GLRA3: variants seen among roughly 807,000 people sequenced by gnomAD.
GLRA3 encodes glycine receptor subunit alpha-3.
Under a neutral mutation model 60.4 loss-of-function variants are expected in GLRA3, and 44 were observed. The ratio of observed to expected loss-of-function variants is 0.73; its 90% confidence interval spans 0.57 to 0.94. The LOEUF is 0.94. Among genes scored for constraint, GLRA3 ranks in the 40% least tolerant of loss-of-function variants. The probability of loss-of-function intolerance (pLI) is 0.00; values close to 1 mark genes in which losing one functional copy is unlikely to be tolerated. For synonymous variants in GLRA3, 223 were observed against 192.9 expected, an observed-to-expected ratio of 1.16 and a Z score of -1.29; for missense variants, 508 against 564.6, an observed-to-expected ratio of 0.90 and a Z score of 1.02.
At chr4:174,763,061 T>C (rs912403608) in intron 3 of GLRA3, among the ~76,000 whole-genome samples, 2 of 152,188 alleles carry the variant, frequency 1.3e-5, no homozygotes, top group South Asian at 2.1e-4. Context: ...GAAATATCCA[T>C]GTTGTTGCTA....
chr4:174,782,334 A>G (rs1436068171), intron 2 of GLRA3, among the ~76,000 whole-genome samples: 1 of 151,994 alleles, frequency 6.6e-6, no homozygotes, highest in Non-Finnish European at 1.5e-5. Flanking sequence ...AATAAGAGCT[A>G]TCTATGACAA....
chr4:174,686,970 T>G (rs1245660061), intron 5 of GLRA3, among the ~76,000 whole-genome samples: 4 of 152,234 alleles, frequency 2.6e-5, no homozygotes, highest in Non-Finnish European at 5.9e-5. Context: ...AAATTTGTGC[T>G]TGAGTAGCAT....
chr4:174,748,126 C>T (rs1737322881), intron 3 of GLRA3, among the ~76,000 whole-genome samples: 1 of 152,064 alleles, frequency 6.6e-6, no homozygotes, highest in African/African-American at 2.4e-5. Flanking sequence ...TTAATAATGG[C>T]TGGCATTCAA....
intron 3 of GLRA3, among the ~76,000 whole-genome samples, chr4:174,750,046 C>T (rs1737406032): frequency 6.6e-6 from 1 of 152,128 alleles, no homozygotes; most frequent in Non-Finnish European, 1.5e-5. Context: ...CCACCTCAAC[C>T]TTCCATCACT....
chr4:174,767,123 TAC>T (rs10551381), intron 2 of GLRA3, 93 bp from the exon 3 acceptor site: 158,010 of 466,282 alleles, frequency 0.34, 17,608 homozygotes, highest in East Asian at 0.53. Context: ...TATTCCATTT[TAC>T]ACACACACAC....
chr4:174,712,288 C>T (rs1191374374), intron 5 of GLRA3, among the ~76,000 whole-genome samples: 2 of 152,048 alleles, frequency 1.3e-5, no homozygotes, highest in East Asian at 3.9e-4. Flanking sequence ...AACAGTATAC[C>T]ATTAAGATTT....
intron 5 of GLRA3, among the ~76,000 whole-genome samples, chr4:174,702,221 C>T (rs1465755182): frequency 1.3e-5 from 2 of 152,172 alleles, no homozygotes; most frequent in Admixed American, 1.3e-4. Context: ...CAACCATCAA[C>T]ACTGAGGCAA....
At chr4:174,825,963 A>G (rs530258052) in intron 1 of GLRA3, among the ~76,000 whole-genome samples, 114 of 152,284 alleles carry the variant, frequency 7.5e-4, no homozygotes, top group African/African-American at 2.6e-3. Flanking sequence ...ACTCTTATAC[A>G]TTACTGATAT....
chr4:174,737,495 T>C (rs1301035206), intron 3 of GLRA3, among the ~76,000 whole-genome samples: 1 of 151,086 alleles, frequency 6.6e-6, no homozygotes, highest in East Asian at 1.9e-4. Context: ...TTCTGAATGC[T>C]AAGGCTTTTT....
intron 5 of GLRA3, among the ~76,000 whole-genome samples, chr4:174,686,658 C>T (rs766485803): frequency 2.0e-5 from 3 of 152,108 alleles, no homozygotes; most frequent in Non-Finnish European, 4.4e-5. Context: ...GTGCATTTAG[C>T]GCGGGGTTCT....
intron 1 of GLRA3, among the ~76,000 whole-genome samples, chr4:174,818,273 TTAC>T (rs2111389420): frequency 6.6e-6 from 1 of 152,330 alleles, no homozygotes; most frequent in South Asian, 2.1e-4. Flanking sequence ...TCTTGGCTTT[TTAC>T]TACTATGTTT....
intron 7 of GLRA3, among the ~76,000 whole-genome samples, chr4:174,660,744 C>T (rs1426112437): frequency 1.3e-5 from 2 of 152,180 alleles, no homozygotes; most frequent in Non-Finnish European, 2.9e-5. Context: ...TATCAATTAG[C>T]ATTCTACTGT....
At chr4:174,776,865 T>C (rs895296454) in intron 2 of GLRA3, among the ~76,000 whole-genome samples, 1 of 152,030 alleles carries the variant, frequency 6.6e-6, no homozygotes, top group Non-Finnish European at 1.5e-5. Context: ...AGGAAAATGG[T>C]TTAAGATAAA....
At chr4:174,808,195 AG>A (rs1740124148) in intron 1 of GLRA3, among the ~76,000 whole-genome samples, 1 of 152,164 alleles carries the variant, frequency 6.6e-6, no homozygotes, top group Non-Finnish European at 1.5e-5. Flanking sequence ...GAAAAACAAA[AG>A]GTGAACCAAA....
intron 5 of GLRA3, among the ~76,000 whole-genome samples, chr4:174,684,076 T>C (rs1579440385): frequency 1.3e-5 from 2 of 152,304 alleles, no homozygotes; most frequent in Admixed American, 1.3e-4. Flanking sequence ...TAATGTTGAA[T>C]AGAATTGGAG....
intron 1 of GLRA3, among the ~76,000 whole-genome samples, chr4:174,792,370 G>C (rs1739386144): frequency 6.6e-6 from 1 of 151,918 alleles, no homozygotes. Context: ...ACGTGTGTCT[G>C]TTCTAACTTC....
At chr4:174,648,285 A>T (rs1188657892) in intron 9 of GLRA3, among the ~76,000 whole-genome samples, 2 of 152,056 alleles carry the variant, frequency 1.3e-5, no homozygotes, top group Non-Finnish European at 2.9e-5. Context: ...AGATGGCGAA[A>T]CCCTGTCTCT....
At chr4:174,704,152 A>G (rs1177920684) in intron 5 of GLRA3, among the ~76,000 whole-genome samples, 1 of 142,600 alleles carries the variant, frequency 7.0e-6, no homozygotes. Context: ...AAAATTAGCC[A>G]GATGTAGTGG....
intron 3 of GLRA3, among the ~76,000 whole-genome samples, chr4:174,762,254 G>T (rs761010797): frequency 2.0e-5 from 3 of 152,072 alleles, no homozygotes; most frequent in African/African-American, 7.2e-5. Flanking sequence ...GTGCTTCTAT[G>T]ATGGAAATTT....
Sources: allele counts gnomAD v4.1 joint callset (sites outside exome capture counted in the v4.1 genomes callset), GRCh38; gene constraint gnomAD v4.1.1; transcripts MANE v1.5; gene names NCBI Gene and HGNC (gene_info 2026-07-23, HGNC 2026-07-21).